The following DGKB variants were observed in gnomAD, a reference collection of about 807,000 sequenced individuals.
DGKB encodes diacylglycerol kinase beta.
Under a neutral mutation model 114.3 loss-of-function variants are expected in DGKB, and 67 were observed. The ratio of observed to expected loss-of-function variants is 0.59; its 90% CI spans 0.48 to 0.72. DGKB has a LOEUF of 0.72. DGKB is among the 30% of genes least tolerant of loss of function. The pLI is 0.00. For synonymous variants in DGKB, 398 were observed against 323.1 expected (o/e 1.23, Z -2.49); for missense variants, 907 against 975.2 (o/e 0.93, Z 0.93).
At chr7:14,485,303 G>C (rs1783634895) in intron 20 of DGKB, among the ~76,000 whole-genome samples, 1 of 50,656 alleles carries the variant, frequency 2.0e-5, no homozygotes, top group Admixed American at 2.1e-4. Flanking sequence ...CTCATGAGGT[G>C]TGTGTGTGTG....
intron 21 of DGKB, among the ~76,000 whole-genome samples, chr7:14,465,124 T>C (rs115824124): frequency 0.015 from 2,236 of 152,208 alleles, 57 homozygotes; most frequent in African/African-American, 0.049. Context: ...CCTGGTAGCA[T>C]ATCGTACTCC....
intron 2 of DGKB, among the ~76,000 whole-genome samples, chr7:14,816,069 G>A (rs1699559152): frequency 6.6e-6 from 1 of 152,098 alleles, no homozygotes; most frequent in African/African-American, 2.4e-5. Context: ...AGTGGCTCAC[G>A]TCTGTAATCC....
intron 23 of DGKB, among the ~76,000 whole-genome samples, chr7:14,266,742 T>C (rs1002371669): frequency 2.0e-5 from 3 of 152,194 alleles, no homozygotes; most frequent in Admixed American, 2.0e-4. Context: ...GCTTTAATGG[T>C]TCAGTTGCTT....
At chr7:14,621,740 T>G (rs1367453528) in intron 14 of DGKB, among the ~76,000 whole-genome samples, 1 of 152,048 alleles carries the variant, frequency 6.6e-6, no homozygotes, top group Non-Finnish European at 1.5e-5. Flanking sequence ...TATCCCTATG[T>G]GCCCAATTAT....
intron 2 of DGKB, among the ~76,000 whole-genome samples, chr7:14,768,314 T>A (rs1252837655): frequency 6.6e-6 from 1 of 151,914 alleles, no homozygotes; most frequent in Non-Finnish European, 1.5e-5. Context: ...GTTGAAGAAT[T>A]TGCTTCCAGA....
At chr7:14,316,012 A>T (rs1271847522) in intron 23 of DGKB, among the ~76,000 whole-genome samples, 1 of 151,318 alleles carries the variant, frequency 6.6e-6, no homozygotes. Context: ...TGGAAACTGA[A>T]CAACCTGCTC....
chr7:14,251,976 G>A (rs1795310918), intron 23 of DGKB, among the ~76,000 whole-genome samples: 1 of 152,098 alleles, frequency 6.6e-6, no homozygotes, highest in African/African-American at 2.4e-5. Context: ...TCTCCATGAA[G>A]ATCTTTATGT....
In DGKB at chr7:14,807,552, C is replaced by G. The variant is rs538194386; in HGVS notation, c.70+33642G>C. On this transcript the variant is annotated intron_variant, in intron 2 of 25. Transcript: ENST00000402815. ...TTCAAATTAGAAAAATAGTTATTAA[C>G]TATGGTGTCAAATCATATTGATTAA... Among the ~76,000 whole-genome samples, 34 of 152,028 alleles carry G rather than the reference C, an allele frequency of 2.2e-4. No homozygotes were observed. The South Asian group carries it at 7.0e-3, about 32-fold the overall frequency.
chr7:14,797,450 T>C (rs1841555542), intron 2 of DGKB, among the ~76,000 whole-genome samples: 1 of 152,204 alleles, frequency 6.6e-6, no homozygotes. Flanking sequence ...TCAAGATGCT[T>C]ATCCAGAAGG....
chr7:14,358,183 A>G (rs1446426197), intron 21 of DGKB, among the ~76,000 whole-genome samples: 1 of 152,090 alleles, frequency 6.6e-6, no homozygotes, highest in East Asian at 1.9e-4. Context: ...ATCCTGAAGA[A>G]TGTTTTCCAA....
rs1393987663 is a variant in DGKB at position 14,582,946 on chromosome 7, T to C, written c.1519+106A>G. 4 of 801,128 alleles carry C rather than the reference T, an allele frequency of 5.0e-6. No homozygotes were observed. The East Asian group carries it at 1.1e-4, about 21-fold the overall frequency. The allele number at this position is 801,128 out of a possible 1,614,324, so 49.6% of individuals were successfully genotyped here. Reference sequence around the variant, plus strand: ...GTGCAACCTTCCAGATGTCCAATTATATCACTGCTTCCAAAGATAATGATA... The same window carrying C: ...GTGCAACCTTCCAGATGTCCAATTACATCACTGCTTCCAAAGATAATGATA... On this transcript the variant is annotated intron_variant, in intron 18 of 25. Coordinates refer to ENST00000402815, the MANE Select transcript of DGKB (RefSeq NM_001350709.2).
intron 1 of DGKB, among the ~76,000 whole-genome samples, chr7:14,912,858 T>C (rs1314248170): frequency 7.9e-5 from 12 of 152,176 alleles, no homozygotes; most frequent in Non-Finnish European, 1.8e-4. Context: ...ATCTTTCATA[T>C]TGTCTCGTAC....
chr7:14,868,766 C>T (rs566058283), intron 1 of DGKB, among the ~76,000 whole-genome samples: 11 of 152,212 alleles, frequency 7.2e-5, no homozygotes, highest in African/African-American at 2.6e-4. Flanking sequence ...TCCTTCTTAA[C>T]TATAATGTGG....
intron 1 of DGKB, among the ~76,000 whole-genome samples, chr7:14,886,605 T>C (rs1294005283): frequency 1.3e-5 from 2 of 151,850 alleles, no homozygotes; most frequent in Non-Finnish European, 2.9e-5. Context: ...TCAATTTCAC[T>C]TCATAAATAT....
At chr7:14,450,188 A>C (rs1362467689) in intron 21 of DGKB, among the ~76,000 whole-genome samples, 1 of 152,100 alleles carries the variant, frequency 6.6e-6, no homozygotes, top group African/African-American at 2.4e-5. Context: ...ATATATTGCC[A>C]TGCTGGTTAA....
chr7:14,721,397 G>A (rs1185882669), intron 5 of DGKB, among the ~76,000 whole-genome samples: 4 of 152,120 alleles, frequency 2.6e-5, no homozygotes, highest in African/African-American at 9.7e-5. Flanking sequence ...TCACGTTTTT[G>A]AAGGAATATG....
intron 20 of DGKB, among the ~76,000 whole-genome samples, chr7:14,567,221 A>AT (rs1186838978): frequency 2.5e-4 from 18 of 71,442 alleles, no homozygotes; most frequent in African/African-American, 1.0e-3. Context: ...ATATTTATAT[A>AT]TAATATATAT....
intron 2 of DGKB, among the ~76,000 whole-genome samples, chr7:14,820,311 G>A (rs567886326): frequency 1.5e-4 from 23 of 151,960 alleles, no homozygotes; most frequent in Non-Finnish European, 2.4e-4. Flanking sequence ...AGGCAATCTC[G>A]TGTTAAATAA....
chr7:14,353,927 G>C (rs918398065), intron 21 of DGKB, among the ~76,000 whole-genome samples: 4 of 152,060 alleles, frequency 2.6e-5, no homozygotes, highest in Non-Finnish European at 5.9e-5. Flanking sequence ...ACACTTACAT[G>C]CATGAAATAA....
Sources: allele counts gnomAD v4.1 joint callset (sites outside exome capture counted in the v4.1 genomes callset), GRCh38; gene constraint gnomAD v4.1.1; transcripts MANE v1.5; gene names NCBI Gene and HGNC (gene_info 2026-07-23, HGNC 2026-07-21).